ATL1: variants seen among roughly 807,000 people sequenced by gnomAD.
ATL1 encodes the protein atlastin-1.
ATL1 carries 31 observed loss-of-function variants against 75.5 expected under a neutral mutation model. That is an observed-to-expected ratio of 0.41 (90% CI 0.31 to 0.55). The LOEUF (loss-of-function observed/expected upper bound fraction) is 0.55, where lower values mean the gene tolerates loss of function less well. Among genes scored for constraint, ATL1 ranks in the 20% least tolerant of loss-of-function variants. The pLI is 0.27. For missense variants in ATL1, 405 were observed against 662.6 expected, an observed-to-expected ratio of 0.61 and a Z score of 4.27; for synonymous variants, 226 against 233.3, an observed-to-expected ratio of 0.97 and a Z score of 0.28.
In ATL1 at chr14:50,590,993, G is replaced by C; in HGVS notation, c.335G>C (p.Trp112Ser). 6.2e-7 allele frequency: 1 copy of C among 1,613,822 alleles called. No homozygotes were observed. Among genetic ancestry groups the C allele is most frequent in the Non-Finnish European group, 8.5e-7 (1 of 1,179,808 alleles). The change falls in exon 3 of 14, where the codon TGG (tryptophan) becomes TCG (serine). Residue 112 changes from tryptophan (W) to serine (S), a missense_variant. Trp to Ser is a radical substitution (Grantham distance 177). This residue lies in a region of ATL1 where 126 missense variants were observed against 172.0 expected (regional missense o/e 0.73). Transcript: ENST00000358385. ...DYNEPLTGFS[W>S]RGGSERETTG... Reference sequence around the variant, plus strand: ...AATGAACCATTGACTGGTTTTTCATGGAGAGGTGGATCTGAGCGAGAGACC... The same window carrying C: ...AATGAACCATTGACTGGTTTTTCATCGAGAGGTGGATCTGAGCGAGAGACC...
chr14:50,556,039 C>T (rs1169365953), upstream of ATL1, among the ~76,000 whole-genome samples: 1 of 152,162 alleles, frequency 6.6e-6, no homozygotes, highest in Non-Finnish European at 1.5e-5. Flanking sequence ...TGTGGAGTAA[C>T]ATCCCGGAAG....
At chr14:50,592,901 A>G (rs1468220169) in intron 4 of ATL1, among the ~76,000 whole-genome samples, 2 of 140,040 alleles carry the variant, frequency 1.4e-5, no homozygotes, top group Non-Finnish European at 3.0e-5. Flanking sequence ...TGACAGGGCG[A>G]GACTCCCGTC....
intron 8 of ATL1, 84 bp from the exon 9 acceptor site, chr14:50,620,512 TGGG>T: frequency 5.7e-6 from 8 of 1,395,332 alleles, no homozygotes; most frequent in Non-Finnish European, 8.0e-6. Context: ...GGGGAGGAAA[TGGG>T]GGAGATCAAA....
chr14:50,564,924 A>C (rs2038888397), intron 1 of ATL1, among the ~76,000 whole-genome samples: 1 of 152,036 alleles, frequency 6.6e-6, no homozygotes, highest in South Asian at 2.1e-4. Flanking sequence ...TCTTGAAATG[A>C]GACCGTCTGT....
At chr14:50,626,127 A>T (rs1595623721) in intron 11 of ATL1, among the ~76,000 whole-genome samples, 1 of 152,222 alleles carries the variant, frequency 6.6e-6, no homozygotes, top group African/African-American at 2.4e-5. Context: ...TAAGGAAATT[A>T]ATGTTTTCAT....
chr14:50,548,980 C>T (rs1412121494), intron 1 of ATL1, among the ~76,000 whole-genome samples: 1 of 152,094 alleles, frequency 6.6e-6, no homozygotes. Context: ...CTAACCAAGC[C>T]CGTCTCTGGG....
Position 50,629,948 on chromosome 14 carries a change from C to G in ATL1, c.1552-47C>G. On this transcript the variant is annotated intron_variant, in intron 12 of 13. Coordinates refer to ENST00000358385, the MANE Select transcript of ATL1 (RefSeq NM_015915.5). ...GTTGATTATAATGCTGTTAATAAAG[C>G]AGGATATATACTTTTCTTTTTTCTT... 3.5e-6 allele frequency: 5 copies of G among 1,448,948 alleles called. No individual in the cohort carries two copies. The South Asian group carries it at 5.1e-5, about 15-fold the overall frequency. 89.8% of individuals were successfully genotyped at this position (1,448,948 alleles called of 1,614,324 possible).
At chr14:50,553,985 A>G (rs925076165) in intron 1 of ATL1, among the ~76,000 whole-genome samples, 2 of 152,168 alleles carry the variant, frequency 1.3e-5, no homozygotes, top group Admixed American at 6.5e-5. Context: ...GGAAGACTAC[A>G]TATTTGGTAC....
In ATL1 at chr14:50,576,861, G is replaced by A. The variant is rs1456516938; in HGVS notation, c.35-10970G>A. Among the ~76,000 whole-genome samples the A allele has an allele frequency of 2.6e-5, 4 of 152,084 alleles. 1 individual carries two copies. The highest frequency in any genetic ancestry group is 5.9e-5 in the Non-Finnish European group (4 of 68,018). ...CAAAGTGCTGGGATTACAGATATGA[G>A]CCACCATGCCCAGCCTATTTTAGAT... On this transcript the variant is annotated intron_variant, in intron 1 of 13. Transcript: ENST00000358385.
At chr14:50,553,083 T>A (rs1230230345) in intron 1 of ATL1, among the ~76,000 whole-genome samples, 1 of 151,904 alleles carries the variant, frequency 6.6e-6, no homozygotes, top group Non-Finnish European at 1.5e-5. Flanking sequence ...TTACTTGAGG[T>A]CAGGAGTTCA....
intron 1 of ATL1, among the ~76,000 whole-genome samples, chr14:50,580,876 TC>T (rs143680051): frequency 0.012 from 1,758 of 152,206 alleles, 31 homozygotes; most frequent in African/African-American, 0.04. Context: ...TTTAATTTTT[TC>T]TAGGTATAAC....
intron 1 of ATL1, among the ~76,000 whole-genome samples, chr14:50,576,639 G>C (rs183377477): frequency 2.0e-5 from 3 of 152,326 alleles, no homozygotes; most frequent in Admixed American, 2.0e-4. Flanking sequence ...ACAGTTACAT[G>C]ATCATAGATC....
intron 1 of ATL1, among the ~76,000 whole-genome samples, chr14:50,561,634 T>C (rs748446573): frequency 2.0e-5 from 3 of 152,116 alleles, no homozygotes; most frequent in Non-Finnish European, 2.9e-5. Context: ...GTAGACAAGG[T>C]TTACATTTGG....
At chr14:50,551,922 T>G (rs567099680) in intron 1 of ATL1, among the ~76,000 whole-genome samples, 2 of 151,830 alleles carry the variant, frequency 1.3e-5, no homozygotes, top group African/African-American at 4.8e-5. Flanking sequence ...ACAAGGAAAA[T>G]TTGAAAGCAT....
chr14:50,603,721 A>G (rs1267444387), intron 6 of ATL1, among the ~76,000 whole-genome samples: 4 of 152,238 alleles, frequency 2.6e-5, no homozygotes, highest in African/African-American at 7.2e-5. Flanking sequence ...TGTGATGATT[A>G]TAACTGCCAA....
At chr14:50,598,113 G>C (rs1419101138) in intron 6 of ATL1, among the ~76,000 whole-genome samples, 1 of 151,994 alleles carries the variant, frequency 6.6e-6, no homozygotes, top group East Asian at 1.9e-4. Flanking sequence ...AAAATATAAA[G>C]ACCTTTCTGG....
chr14:50,562,983 A>G (rs1232976172), intron 1 of ATL1, among the ~76,000 whole-genome samples: 1 of 152,220 alleles, frequency 6.6e-6, no homozygotes. Context: ...TAGGTGCTGT[A>G]ATACTCATTT....
rs541140700 is a variant in ATL1 at position 50,627,147 on chromosome 14, A to C, written c.1120-884A>C. 2.0e-5 allele frequency among the ~76,000 whole-genome samples: 3 copies of C among 152,344 alleles called. No homozygotes were observed. The South Asian group carries it at 6.2e-4, about 32-fold the overall frequency. The stretch of plus-strand genomic sequence containing the variant: ...CCTCAACCTTCAGCAACACCACCCT[A>C]ATCAGTCAGCAGCCATCGACATCGA... On this transcript the variant is annotated intron_variant, in intron 11 of 13. Coordinates refer to ENST00000358385, the MANE Select transcript of ATL1 (RefSeq NM_015915.5).
chr14:50,553,570 C>T (rs1191763414), intron 1 of ATL1, among the ~76,000 whole-genome samples: 2 of 152,124 alleles, frequency 1.3e-5, no homozygotes, highest in African/African-American at 4.8e-5. Context: ...AAAAGTGGAA[C>T]TACCATTTGA....
Sources: allele counts gnomAD v4.1 joint callset (sites outside exome capture counted in the v4.1 genomes callset), GRCh38; gene constraint gnomAD v4.1.1; regional missense constraint gnomAD v4.1.1; transcripts MANE v1.5; gene names NCBI Gene and HGNC (gene_info 2026-07-23, HGNC 2026-07-21).